ALPL: variants seen among roughly 807,000 people sequenced by gnomAD.
The protein encoded by ALPL is alkaline phosphatase, biomineralization associated, also known as alkaline phosphatase, tissue-nonspecific isozyme.
A neutral mutation model predicts 51.3 loss-of-function variants in ALPL; 42 were observed. That is an observed-to-expected ratio of 0.82 (90% CI 0.64 to 1.06). The LOEUF is 1.06. Ranked by LOEUF, ALPL falls within the 50% of genes least tolerant of loss-of-function variation. ALPL has a pLI of 0.00. For missense variants in ALPL, 589 were observed against 709.4 expected (o/e 0.83, Z 1.93); for synonymous variants, 279 against 296.4 (o/e 0.94, Z 0.60).
intron 4 of ALPL, among the ~76,000 whole-genome samples, chr1:21,561,539 AC>A (rs1038365731): frequency 6.6e-6 from 1 of 152,050 alleles, no homozygotes; most frequent in Non-Finnish European, 1.5e-5. Context: ...ACAGGTGTGT[AC>A]CACCACATAT....
In ALPL at chr1:21,578,081, A is replaced by G. The variant is rs2242421; in HGVS notation, c.*433A>G. ...CCTCTGGAACCCCCCAGGCCCTACAATGCTCATGTCCCTGTCCCCAGGCCC... is the reference window on the plus strand; with the variant it reads ...CCTCTGGAACCCCCCAGGCCCTACAGTGCTCATGTCCCTGTCCCCAGGCCC... On this transcript the variant is annotated 3_prime_UTR_variant, in exon 12 of 12. Coordinates refer to ENST00000374840, the MANE Select transcript of ALPL (RefSeq NM_000478.6). The surrounding 1 kb of genome is among the most constrained non-coding windows in gnomAD (Gnocchi z 4.2). 23,701 of 209,070 alleles carry G rather than the reference A, an allele frequency of 0.11. 2,928 individuals carry two copies. Among genetic ancestry groups the G allele is most frequent in the East Asian group, 0.56 (4,696 of 8,342 alleles). 13.0% of individuals were successfully genotyped at this position (209,070 alleles called of 1,614,324 possible).
intron 4 of ALPL, 143 bp downstream of exon 4, chr1:21,561,355 C>T (rs1644482530): frequency 1.4e-6 from 1 of 730,208 alleles, no homozygotes; most frequent in Admixed American, 2.0e-5. Flanking sequence ...GCAGCCACTG[C>T]CCTGACTTCT....
Position 21,564,360 on chromosome 1 carries a change from T to A in ALPL, c.648+144T>A, listed in dbSNP as rs1644533462. On this transcript the variant is annotated intron_variant, in intron 6 of 11. Transcript: ENST00000374840. The surrounding 1 kb of genome is among the most constrained non-coding windows in gnomAD (Gnocchi z 5.8). ...GGAGGCTCCCAGCCCATTAGGGGAT[T>A]TGCGGTTGGGCAGGCAGGCACTGTG... The A allele has an allele frequency of 3.6e-6, 4 of 1,107,888 alleles. No homozygotes were observed. In the South Asian group the frequency reaches 6.1e-5, roughly 17 times the overall value. 68.6% of individuals were successfully genotyped at this position (1,107,888 alleles called of 1,614,324 possible).
At chr1:21,554,325 C>CATATAT (rs61491376) in intron 2 of ALPL, among the ~76,000 whole-genome samples, 183 bp downstream of exon 2, 2,739 of 146,200 alleles carry the variant, frequency 0.019, 48 homozygotes, top group African/African-American at 0.037. Context: ...ACTCTTTTCC[C>CATATAT]ATATATATAT....
chr1:21,535,584 C>T (rs1300509473), intron 1 of ALPL, among the ~76,000 whole-genome samples: 1 of 151,808 alleles, frequency 6.6e-6, no homozygotes, highest in African/African-American at 2.4e-5. Context: ...CACTGCACTT[C>T]AGCCTGAATG....
chr1:21,530,314 C>T (rs1364789158), intron 1 of ALPL, among the ~76,000 whole-genome samples: 3 of 152,098 alleles, frequency 2.0e-5, no homozygotes, highest in African/African-American at 7.2e-5. Context: ...CGGATGATTC[C>T]AGCGGTATCT....
chr1:21,526,032 G>A (rs572792048), intron 1 of ALPL, among the ~76,000 whole-genome samples: 38 of 152,266 alleles, frequency 2.5e-4, no homozygotes, highest in African/African-American at 8.9e-4. Flanking sequence ...GGTCTTGTAA[G>A]CAGACTCCCC....
intron 1 of ALPL, among the ~76,000 whole-genome samples, chr1:21,530,804 A>G (rs1570199345): frequency 7.6e-6 from 1 of 131,754 alleles, no homozygotes; most frequent in African/African-American, 2.9e-5. Context: ...TTTTTGAGAC[A>G]TGGTCTCACT....
At chr1:21,566,789 G>T (rs1430235007) in intron 6 of ALPL, among the ~76,000 whole-genome samples, 2 of 151,804 alleles carry the variant, frequency 1.3e-5, no homozygotes, top group African/African-American at 4.8e-5. Context: ...TATAGACAGG[G>T]TCTTGCCATG....
At chr1:21,571,543 G>A (rs1024654149) in intron 8 of ALPL, among the ~76,000 whole-genome samples, 7 of 152,062 alleles carry the variant, frequency 4.6e-5, no homozygotes, top group African/African-American at 1.7e-4. Context: ...GTGGTGGCGG[G>A]CGCCTGTAGT....
At chr1:21,576,011 C>A (rs546940989) in intron 10 of ALPL, 87 bp downstream of exon 10, 44 of 1,499,324 alleles carry the variant, frequency 2.9e-5, no homozygotes, top group Non-Finnish European at 3.9e-5. Context: ...GCCAGCAAGC[C>A]CAGAGCATGG....
chr1:21,543,853 C>T (rs1282301069), intron 1 of ALPL, among the ~76,000 whole-genome samples: 1 of 152,206 alleles, frequency 6.6e-6, no homozygotes, highest in Admixed American at 6.5e-5. Context: ...GGCATACCAG[C>T]TGATGCTCCC....
At chr1:21,527,018 CT>C (rs1643954119) in intron 1 of ALPL, among the ~76,000 whole-genome samples, 2 of 24,202 alleles carry the variant, frequency 8.3e-5, no homozygotes, top group Admixed American at 6.3e-4. Flanking sequence ...TATTCTTGTT[CT>C]TTTCTTTTCT....
chr1:21,514,372 A>C (rs1461428671), intron 1 of ALPL, among the ~76,000 whole-genome samples: 1 of 152,152 alleles, frequency 6.6e-6, no homozygotes. Flanking sequence ...TTGGTGCGCC[A>C]CTTCACCCTG....
rs375466221 is a variant in ALPL at position 21,514,187 on chromosome 1, G to C, written c.-105+4670G>C. ...TCCTCAGGAAGAGTCTGAGGGCTCT[G>C]GAGGTTTGGGGGTGATAGAGCATCT... On this transcript the variant is annotated intron_variant, in intron 1 of 11. Coordinates refer to ENST00000374840, the MANE Select transcript of ALPL (RefSeq NM_000478.6). 2.4e-4 allele frequency among the ~76,000 whole-genome samples: 37 copies of C among 152,312 alleles called. No homozygotes were observed. In the East Asian group the frequency reaches 3.9e-3, roughly 16 times the overall value.
At chr1:21,569,312 C>T (rs1302653582) in intron 7 of ALPL, among the ~76,000 whole-genome samples, 2 of 152,194 alleles carry the variant, frequency 1.3e-5, no homozygotes, top group Admixed American at 6.5e-5. Context: ...CCCAGGAACT[C>T]GGTCTAGACC....
intron 1 of ALPL, among the ~76,000 whole-genome samples, chr1:21,544,485 G>A (rs1450020656): frequency 1.3e-5 from 2 of 152,244 alleles, no homozygotes; most frequent in African/African-American, 2.4e-5. Flanking sequence ...GCTCACACCT[G>A]TAATCCTAGC....
chr1:21,541,498 C>T (rs1037437527), intron 1 of ALPL, among the ~76,000 whole-genome samples: 5 of 152,358 alleles, frequency 3.3e-5, no homozygotes, highest in Admixed American at 1.3e-4. Flanking sequence ...TTCCACCTAG[C>T]GACATTCCCT....
intron 2 of ALPL, among the ~76,000 whole-genome samples, chr1:21,559,458 A>G (rs1259979271): frequency 6.6e-6 from 1 of 152,198 alleles, no homozygotes; most frequent in Non-Finnish European, 1.5e-5. Context: ...ATGTCATTTA[A>G]CAGGGGAAGA....
Sources: allele counts gnomAD v4.1 joint callset (sites outside exome capture counted in the v4.1 genomes callset), GRCh38; gene constraint gnomAD v4.1.1; non-coding constraint Gnocchi (gnomAD v3.1); transcripts MANE v1.5; gene names NCBI Gene and HGNC (gene_info 2026-07-23, HGNC 2026-07-21).